The following TBC1D17 variants were observed in gnomAD, a reference collection of about 807,000 sequenced individuals.
The protein encoded by TBC1D17 is TBC1 domain family member 17, also known as TBC1 domain family, member 17.
In TBC1D17, 69 loss-of-function variants were observed where a neutral mutation model predicts 78.8. The observed-to-expected ratio is 0.88, with a 90% CI of 0.72 to 1.07. TBC1D17 has a LOEUF of 1.07. Among genes scored for constraint, TBC1D17 ranks in the 50% least tolerant of loss-of-function variants. The probability of loss-of-function intolerance (pLI) is 0.00; values close to 1 mark genes in which losing one functional copy is unlikely to be tolerated. For synonymous variants in TBC1D17, 456 were observed against 358.3 expected (o/e 1.27, Z -3.08); for missense variants, 957 against 861.0 (o/e 1.11, Z -1.39).
At chr19:49,883,137 A>G (rs111732606) in intron 9 of TBC1D17, 61 bp downstream of exon 9, 50 of 1,475,078 alleles carry the variant, frequency 3.4e-5, no homozygotes, top group East Asian at 4.6e-5. Flanking sequence ...TAGGGCACCA[A>G]TGGGCAAGTT....
Position 49,887,779 on chromosome 19 carries a change from A to G in TBC1D17, c.1604A>G (p.Asp535Gly). 1 of 1,613,224 alleles carries G rather than the reference A, an allele frequency of 6.2e-7. No homozygotes were observed. The highest frequency in any genetic ancestry group is 8.5e-7 in the Non-Finnish European group (1 of 1,179,796). Residue 535 changes from aspartate (D) to glycine (G), a missense_variant, in exon 15 of 17, where the codon GAC (aspartate) becomes GGC (glycine). Coordinates refer to ENST00000221543, the MANE Select transcript of TBC1D17 (RefSeq NM_024682.3). ...CTGCTGGTGGCCTGCGCCATCCTGG[A>G]CATGGAGAGGGACACCCTCATGCTG... Reference protein sequence around the residue: ...LHLLVACAILDMERDTLMLSG... With the variant: ...LHLLVACAILGMERDTLMLSG...
rs1295426025 is a variant in TBC1D17 at position 49,884,336 on chromosome 19, C to A, written c.1210C>A (p.Leu404Ile). 2.5e-6 allele frequency: 4 copies of A among 1,613,954 alleles called. 1 individual carries two copies. The South Asian group carries it at 4.4e-5, about 18-fold the overall frequency. Residue 404 changes from leucine to isoleucine, a missense_variant, in exon 11 of 17, where the codon CTC (leucine) becomes ATC (isoleucine). Leu to Ile is a conservative substitution (Grantham distance 5). Transcript: ENST00000221543. ...GGGGCTGGGCCTGCTGAACGATATC[C>A]TCCTCACCTACTGCATGTATCACTT... ...NPGLGLLNDILLTYCMYHFDL... is the reference protein window; with the variant it reads ...NPGLGLLNDIILTYCMYHFDL...
intron 13 of TBC1D17, chr19:49,887,265 G>A (rs2075066265): frequency 3.5e-6 from 2 of 568,882 alleles, no homozygotes; most frequent in Admixed American, 3.0e-5. Context: ...CATGGCAGAT[G>A]TGGAAGTATA....
chr19:49,881,772 A>G (rs2075015893), intron 5 of TBC1D17, among the ~76,000 whole-genome samples: 1 of 152,120 alleles, frequency 6.6e-6, no homozygotes, highest in Non-Finnish European at 1.5e-5. Context: ...CCACGTTCCA[A>G]CAAGATCCCA....
rs2075040818 is a variant in TBC1D17, at chr19:49,884,328, A to G, written c.1202A>G (p.Asn401Ser). 1.2e-6 allele frequency: 2 copies of G among 1,613,800 alleles called. No homozygotes were observed. Among genetic ancestry groups the G allele is most frequent in the South Asian group, 2.2e-5 (2 of 91,072 alleles). The change falls in exon 11 of 17, where the codon AAC becomes AGC. Residue 401 changes from asparagine (N) to serine (S), a missense_variant. Coordinates refer to ENST00000221543, the MANE Select transcript of TBC1D17 (RefSeq NM_024682.3). ...GAGAACCCGGGGCTGGGCCTGCTGA[A>G]CGATATCCTCCTCACCTACTGCATG... The part of the protein sequence containing the change: ...GPENPGLGLL[N>S]DILLTYCMYH...
At chr19:49,880,443 A>G in intron 4 of TBC1D17, 41 bp downstream of exon 4, 1 of 1,605,912 alleles carries the variant, frequency 6.2e-7, no homozygotes. Context: ...CGTGTGGGCC[A>G]GGTAGGACAC....
At position 49,881,426 on chromosome 19, in the gene TBC1D17, G is replaced by T; in HGVS notation, c.478G>T (p.Gly160Cys). The change falls in exon 5 of 17, where the codon GGC (glycine) becomes TGC (cysteine). Residue 160 changes from glycine (G) to cysteine (C), a missense_variant. Transcript: ENST00000221543. ...GCCCGCACTGCACTTCCACCGCGGG[G>T]GCACCCGCGCCCTGCTCCGCGTCCT... is the stretch of plus-strand genomic sequence containing the variant. The part of the protein sequence containing the change: ...SLPALHFHRG[G>C]TRALLRVLSR... 1.2e-6 allele frequency: 2 copies of T among 1,612,246 alleles called. No individual in the cohort carries two copies. The highest frequency in any genetic ancestry group is 1.7e-6 in the Non-Finnish European group (2 of 1,179,936).
At position 49,878,187 on chromosome 19, in the gene TBC1D17, G is replaced by A. The variant is rs1568671743; in HGVS notation, c.66G>A (p.Lys22=). ...GAGTGTACCTGCACACCAGCGCTAAGAAGTATCAGGACCGAGACTCTCTCA... is the reference window on the plus strand; with the variant it reads ...GAGTGTACCTGCACACCAGCGCTAAAAAGTATCAGGACCGAGACTCTCTCA... ...KGGVYLHTSA[K]KYQDRDSLIA... The change falls in exon 2 of 17, where the codon AAG becomes AAA. Residue 22 remains lysine, a synonymous_variant. Transcript: ENST00000221543. 1 of 1,574,608 alleles carries A rather than the reference G, an allele frequency of 6.4e-7. No homozygotes were observed. The highest frequency in any genetic ancestry group is 8.6e-7 in the Non-Finnish European group (1 of 1,160,312).
At position 49,888,591 on chromosome 19, in the gene TBC1D17, G is replaced by T. The variant is rs1396584391; in HGVS notation, c.1914G>T (p.Leu638=). 2.5e-5 allele frequency: 39 copies of T among 1,533,804 alleles called. No individual in the cohort carries two copies. The highest frequency in any genetic ancestry group is 2.7e-5 in the Non-Finnish European group (31 of 1,144,978). ...AGCCCGACAGCAGCCTGGAGATCCT[G>T]CCCGAGGAGGAGGACGAGGGCGCCG... is the stretch of plus-strand genomic sequence containing the variant. ...APQPDSSLEI[L]PEEEDEGADS Residue 638 remains leucine, a synonymous_variant, in exon 17 of 17, where the codon CTG becomes CTT. Transcript: ENST00000221543.
rs781463907 is a variant in TBC1D17, at chr19:49,884,622, C to T, written c.1345-37C>T. The T allele has an allele frequency of 2.5e-5, 40 of 1,613,102 alleles. No homozygotes were observed. In the East Asian group the frequency reaches 3.1e-4, roughly 13 times the overall value. On this transcript the variant is annotated intron_variant, in intron 12 of 16. Transcript: ENST00000221543. Reference sequence around the variant, plus strand: ...AGCGATCAGGTGTCCTGGTACCTCACGGGGTCTGCTCTTTCCCCCCTCCTT... The same window carrying T: ...AGCGATCAGGTGTCCTGGTACCTCATGGGGTCTGCTCTTTCCCCCCTCCTT...
intron 4 of TBC1D17, among the ~76,000 whole-genome samples, chr19:49,880,740 G>C (rs2075005639): frequency 6.6e-6 from 1 of 152,240 alleles, no homozygotes; most frequent in Non-Finnish European, 1.5e-5. Context: ...GGGTCACACA[G>C]GGTGCAGGGG....
At chr19:49,884,149 T>G (rs1600450401) in intron 10 of TBC1D17, 104 bp from the exon 11 acceptor site, 2 of 1,041,480 alleles carry the variant, frequency 1.9e-6, no homozygotes, top group South Asian at 1.4e-5. Context: ...ACCCCGAGGC[T>G]GGGGGCTGCC....
intron 4 of TBC1D17, 90 bp from the exon 5 acceptor site, chr19:49,881,178 G>A (rs2075009119): frequency 8.6e-7 from 1 of 1,165,782 alleles, no homozygotes; most frequent in Non-Finnish European, 1.2e-6. Context: ...CTCAGGAGAT[G>A]CCTGTGCCGA....
intron 10 of TBC1D17, 123 bp downstream of exon 10, chr19:49,883,868 C>T: frequency 1.2e-6 from 1 of 824,174 alleles, no homozygotes; most frequent in Non-Finnish European, 2.0e-6. Context: ...GAGAGGGCAT[C>T]TTGGGGGAAA....
chr19:49,880,288 G>C lies in TBC1D17; in HGVS notation c.205G>C (p.Gly69Arg). 1.2e-6 allele frequency: 2 copies of C among 1,614,032 alleles called. No homozygotes were observed. The highest frequency in any genetic ancestry group is 1.7e-6 in the Non-Finnish European group (2 of 1,179,954). ...CCTTTCCTCTCCTAAGGACTCCAGT[G>C]GGGGTGACTCATGTGCTTCTGAGGA... ...QILFSKKDSS[G>R]GDSCASEEEP... The change falls in exon 4 of 17, where the codon GGG becomes CGG. Residue 69 changes from glycine (G) to arginine (R), a missense_variant. Gly to Arg is a moderately radical substitution (Grantham distance 125). Transcript: ENST00000221543.
intron 5 of TBC1D17, 43 bp from the exon 6 acceptor site, chr19:49,881,997 GC>G: frequency 2.0e-6 from 3 of 1,529,230 alleles, no homozygotes; most frequent in Non-Finnish European, 9.0e-7. Flanking sequence ...GGGACACTGG[GC>G]CCCTACCTGT....
Position 49,880,285 on chromosome 19 carries a change from A to G in TBC1D17, c.202A>G (p.Ser68Gly), listed in dbSNP as rs1435001923. The G allele has an allele frequency of 3.1e-6, 5 of 1,613,862 alleles. No homozygotes were observed. In the Admixed American group the frequency reaches 8.3e-5, roughly 27 times the overall value. The change falls in exon 4 of 17, where the codon AGT becomes GGT. Residue 68 changes from serine to glycine, a missense_variant. Coordinates refer to ENST00000221543, the MANE Select transcript of TBC1D17 (RefSeq NM_024682.3). Reference sequence around the variant, plus strand: ...GCTCCTTTCCTCTCCTAAGGACTCCAGTGGGGGTGACTCATGTGCTTCTGA... The same window carrying G: ...GCTCCTTTCCTCTCCTAAGGACTCCGGTGGGGGTGACTCATGTGCTTCTGA... ...TQILFSKKDS[S>G]GGDSCASEEE...
At chr19:49,881,187 G>T (rs12609902) in intron 4 of TBC1D17, 81 bp from the exon 5 acceptor site, 2 of 1,314,446 alleles carry the variant, frequency 1.5e-6, no homozygotes, top group Non-Finnish European at 1.0e-6. Flanking sequence ...TGCCTGTGCC[G>T]AAGGAACATC....
rs757064622 is a variant in TBC1D17, at chr19:49,882,345, AC to A, written c.745del (p.Leu249PhefsTer54). 6.2e-7 allele frequency: 1 copy of A among 1,609,922 alleles called. No homozygotes were observed. The highest frequency in any genetic ancestry group is 8.5e-7 in the Non-Finnish European group (1 of 1,179,904). On this transcript the variant is annotated frameshift_variant, in exon 7 of 17. Transcript: ENST00000221543. LOFTEE classifies it high-confidence loss of function. ...CCACAGCCTGAGGGAGCCGCCTCCG[AC>A]CTTCCCCCGCCACCCGACGATGAGC... ...LQPQPEGAAS[D>X]LPPPPDDEPE...
Sources: gnomAD v4.1 joint callset for allele counts (sites outside exome capture counted in the v4.1 genomes callset) on GRCh38, gnomAD v4.1.1 for gene constraint, MANE v1.5 for transcripts, NCBI Gene and HGNC (gene_info 2026-07-23, HGNC 2026-07-21) for gene names.